The following CSMD3 variants were observed in gnomAD, a reference collection of about 807,000 sequenced individuals.
CSMD3 encodes the protein CUB and sushi domain-containing protein 3.
CSMD3 carries 177 observed loss-of-function variants against 435.2 expected under a neutral mutation model. That is an observed-to-expected ratio of 0.41 (90% confidence interval 0.36 to 0.46). The LOEUF (loss-of-function observed/expected upper bound fraction) is 0.46, where lower values mean the gene tolerates loss of function less well. Among genes scored for constraint, CSMD3 ranks in the 20% least tolerant of loss-of-function variants. The pLI, the probability that CSMD3 is intolerant of heterozygous loss-of-function variation, is 0.34. For synonymous variants in CSMD3, 1,656 were observed against 1,520.5 expected, an observed-to-expected ratio of 1.09 and a Z score of -2.07; for missense variants, 4,265 against 4,504.6, an observed-to-expected ratio of 0.95 and a Z score of 1.52.
intron 13 of CSMD3, among the ~76,000 whole-genome samples, chr8:112,798,596 T>C (rs1180594687): frequency 6.6e-6 from 1 of 151,886 alleles, no homozygotes; most frequent in Non-Finnish European, 1.5e-5. Context: ...AACAATATAA[T>C]GTTTAATTGT....
At chr8:112,610,039 G>A (rs186525600) in intron 22 of CSMD3, among the ~76,000 whole-genome samples, 7 of 152,042 alleles carry the variant, frequency 4.6e-5, no homozygotes, top group Admixed American at 3.3e-4. Context: ...GTGAGATGTC[G>A]GCCAAAGGGT....
At chr8:113,128,659 A>C (rs1389375851) in intron 4 of CSMD3, among the ~76,000 whole-genome samples, 1 of 152,122 alleles carries the variant, frequency 6.6e-6, no homozygotes, top group Non-Finnish European at 1.5e-5. Context: ...ATAAATAGTT[A>C]ATATGTACTC....
chr8:112,446,753 G>A (rs2130555230), intron 32 of CSMD3, among the ~76,000 whole-genome samples: 1 of 152,116 alleles, frequency 6.6e-6, no homozygotes, highest in Admixed American at 6.6e-5. Flanking sequence ...TGCTTTCAGG[G>A]TTTACTGGAG....
chr8:112,358,608 A>G (rs1489491062), intron 38 of CSMD3, among the ~76,000 whole-genome samples: 2 of 152,096 alleles, frequency 1.3e-5, no homozygotes, highest in Non-Finnish European at 2.9e-5. Flanking sequence ...TTAAAAGAGG[A>G]ATTCCCCTGC....
chr8:113,425,515 A>T (rs2094631155), intron 1 of CSMD3, among the ~76,000 whole-genome samples: 1 of 151,322 alleles, frequency 6.6e-6, no homozygotes, highest in South Asian at 2.1e-4. Context: ...ATTTCTAAGA[A>T]CTCACAAATT....
At chr8:113,174,168 C>G (rs1352568913) in intron 3 of CSMD3, among the ~76,000 whole-genome samples, 1 of 152,042 alleles carries the variant, frequency 6.6e-6, no homozygotes, top group Non-Finnish European at 1.5e-5. Flanking sequence ...GTCTTCAGAG[C>G]ATTACTCATA....
intron 5 of CSMD3, among the ~76,000 whole-genome samples, chr8:113,029,197 C>T (rs1283379797): frequency 1.3e-5 from 2 of 151,576 alleles, no homozygotes; most frequent in Non-Finnish European, 3.0e-5. Context: ...TTCTACCAGA[C>T]ATTCAAAGAA....
intron 49 of CSMD3, 34 bp from the exon 50 acceptor site, chr8:112,311,200 A>G (rs1214035724): frequency 1.0e-5 from 16 of 1,556,868 alleles, no homozygotes; most frequent in Non-Finnish European, 1.4e-5. Context: ...CTGTTTAATT[A>G]ATGAATCAGA....
chr8:113,093,794 C>T (rs755014948), intron 5 of CSMD3, among the ~76,000 whole-genome samples: 2 of 151,908 alleles, frequency 1.3e-5, no homozygotes, highest in African/African-American at 2.4e-5. Context: ...TTGTGCAAAA[C>T]GATTTTAATA....
intron 5 of CSMD3, among the ~76,000 whole-genome samples, chr8:113,061,554 T>C (rs1196418587): frequency 6.6e-6 from 1 of 152,222 alleles, no homozygotes; most frequent in East Asian, 1.9e-4. Context: ...TAGTAAAAGG[T>C]ATACATGGAA....
chr8:112,445,401 C>T (rs577702137), intron 32 of CSMD3, among the ~76,000 whole-genome samples: 6 of 152,152 alleles, frequency 3.9e-5, no homozygotes, highest in East Asian at 1.9e-4. Flanking sequence ...GGATACATGG[C>T]GCTGGCATCT....
chr8:112,788,149 T>C (rs941363314), intron 13 of CSMD3, among the ~76,000 whole-genome samples: 1 of 152,140 alleles, frequency 6.6e-6, no homozygotes, highest in Non-Finnish European at 1.5e-5. Flanking sequence ...CAATGTTCTA[T>C]GATTCCCCTA....
At chr8:112,604,420 G>A (rs181779331) in intron 22 of CSMD3, among the ~76,000 whole-genome samples, 16 of 152,194 alleles carry the variant, frequency 1.1e-4, no homozygotes, top group African/African-American at 3.9e-4. Context: ...GCGTGGTACT[G>A]ATATAAAAAT....
chr8:113,031,882 G>C (rs1216176051), intron 5 of CSMD3, among the ~76,000 whole-genome samples: 3 of 151,464 alleles, frequency 2.0e-5, no homozygotes, highest in African/African-American at 7.3e-5. Context: ...GATTATGGGG[G>C]CAGTTTCTGC....
At chr8:113,250,715 T>C (rs547217007) in intron 3 of CSMD3, among the ~76,000 whole-genome samples, 7 of 152,168 alleles carry the variant, frequency 4.6e-5, no homozygotes, top group South Asian at 4.2e-4. Context: ...GTAGACATAA[T>C]TGATTGGATT....
intron 30 of CSMD3, among the ~76,000 whole-genome samples, chr8:112,502,306 C>T (rs905337634): frequency 1.4e-4 from 22 of 152,180 alleles, no homozygotes; most frequent in African/African-American, 5.1e-4. Flanking sequence ...GCCAACACCC[C>T]AAACCTCACT....
At chr8:112,790,537 T>C (rs538240139) in intron 13 of CSMD3, among the ~76,000 whole-genome samples, 182 of 152,238 alleles carry the variant, frequency 1.2e-3, no homozygotes, top group Non-Finnish European at 2.1e-3. Context: ...TAAGCCTGAG[T>C]ATTTTAAAGG....
intron 28 of CSMD3, among the ~76,000 whole-genome samples, chr8:112,511,064 A>C (rs1291124346): frequency 1.3e-5 from 2 of 152,304 alleles, no homozygotes; most frequent in Non-Finnish European, 1.5e-5. Context: ...GGGATATTGC[A>C]GTTTCAGTTT....
At position 112,563,688 on chromosome 8, in the gene CSMD3, T is replaced by G. The variant is rs139679203; in HGVS notation, c.4043-6734A>C. 1.8e-3 allele frequency among the ~76,000 whole-genome samples: 278 copies of G among 152,126 alleles called. 10 individuals carry two copies. In the East Asian group the frequency reaches 0.049, roughly 27 times the overall value. On this transcript the variant is annotated intron_variant, in intron 24 of 70. Transcript: ENST00000297405. The stretch of plus-strand genomic sequence containing the variant: ...TCTAAATATATCCAGAAATTGAATT[T>G]TATTAGATATTGCCAAATTAATCTT...
Sources: allele counts gnomAD v4.1 joint callset (sites outside exome capture counted in the v4.1 genomes callset), GRCh38; gene constraint gnomAD v4.1.1; transcripts MANE v1.5; gene names NCBI Gene and HGNC (gene_info 2026-07-23, HGNC 2026-07-21).